Variants in GTF2A1L observed in about 807,000 individuals in gnomAD.
GTF2A1L encodes general transcription factor IIA subunit 1 like.
A neutral mutation model predicts 49.7 loss-of-function variants in GTF2A1L; 48 were observed. That is an observed-to-expected ratio of 0.97 (90% CI 0.77 to 1.23). The LOEUF is 1.23. Ranked by LOEUF, GTF2A1L falls within the 50% of genes most tolerant of loss-of-function variation. The pLI is 0.00. For missense variants in GTF2A1L, 736 were observed against 564.8 expected (o/e 1.30, Z -3.07); for synonymous variants, 246 against 193.5 (o/e 1.27, Z -2.25).
chr2:48,658,714 A>G (rs4953606), intron 6 of GTF2A1L, among the ~76,000 whole-genome samples: 148,717 of 152,256 alleles, frequency 0.98, 72,651 homozygotes, highest in East Asian at 1. Flanking sequence ...TTTCTGTTTC[A>G]TTCTTGGGAG....
Position 48,646,843 on chromosome 2 carries a change from T to A in GTF2A1L, c.779T>A (p.Val260Glu), listed in dbSNP as rs1677541312. The A allele has an allele frequency of 6.2e-7, 1 of 1,614,080 alleles. No homozygotes were observed. The highest frequency in any genetic ancestry group is 8.5e-7 in the Non-Finnish European group (1 of 1,179,972). ...SPQVSQTNSN[V>E]ESVLSGSASM... ...CAGGTCTCTCAAACAAATTCTAATG[T>A]GGAGTCAGTGCTCAGTGGTTCAGCT... Residue 260 changes from valine to glutamate, a missense_variant, in exon 6 of 9, where the codon GTG (valine) becomes GAG (glutamate). Val to Glu is a moderately radical substitution (Grantham distance 121, BLOSUM62 -2). Coordinates refer to ENST00000403751, the MANE Select transcript of GTF2A1L (RefSeq NM_006872.5).
chr2:48,636,247 A>T (rs1305273725), intron 3 of GTF2A1L, among the ~76,000 whole-genome samples: 1 of 152,252 alleles, frequency 6.6e-6, no homozygotes, highest in Non-Finnish European at 1.5e-5. Flanking sequence ...TTAAACAATG[A>T]CACAAATGCT....
chr2:48,662,855 A>G (rs1678593205), intron 6 of GTF2A1L, among the ~76,000 whole-genome samples: 1 of 152,082 alleles, frequency 6.6e-6, no homozygotes, highest in Non-Finnish European at 1.5e-5. Context: ...AGTGGGAGCT[A>G]AACAACAAGA....
intron 6 of GTF2A1L, among the ~76,000 whole-genome samples, chr2:48,649,180 A>G (rs903157857): frequency 1.3e-5 from 2 of 152,166 alleles, no homozygotes; most frequent in Non-Finnish European, 2.9e-5. Flanking sequence ...GGAATCATAC[A>G]ATATTTGCCC....
At chr2:48,671,898 T>A (rs752975724) in intron 8 of GTF2A1L, among the ~76,000 whole-genome samples, 1 of 152,184 alleles carries the variant, frequency 6.6e-6, no homozygotes, top group Non-Finnish European at 1.5e-5. Context: ...AGTAATGATC[T>A]TATTGAAACA....
At chr2:48,643,238 T>C (rs1284563278) in intron 4 of GTF2A1L, among the ~76,000 whole-genome samples, 3 of 152,196 alleles carry the variant, frequency 2.0e-5, no homozygotes, top group East Asian at 1.9e-4. Flanking sequence ...CCCTTAGTAC[T>C]TGAAGGCAGA....
chr2:48,662,758 G>A (rs1678585026), intron 6 of GTF2A1L, among the ~76,000 whole-genome samples: 1 of 148,916 alleles, frequency 6.7e-6, no homozygotes, highest in East Asian at 2.0e-4. Context: ...GGGATTCCTT[G>A]TACATAGATG....
At chr2:48,672,230 G>A (rs1679208855) in intron 8 of GTF2A1L, among the ~76,000 whole-genome samples, 1 of 152,218 alleles carries the variant, frequency 6.6e-6, no homozygotes, top group Admixed American at 6.5e-5. Context: ...CCAATAAAAA[G>A]CAGAGAAATG....
intron 3 of GTF2A1L, among the ~76,000 whole-genome samples, chr2:48,635,026 C>G (rs947369120): frequency 1.8e-4 from 27 of 152,190 alleles, no homozygotes; most frequent in Admixed American, 2.6e-4. Context: ...GCCCCAAGTT[C>G]TCTGCACAGT....
chr2:48,671,670 A>G lies in GTF2A1L; in HGVS notation c.1319A>G (p.Gln440Arg), dbSNP rs150006280. The stretch of plus-strand genomic sequence containing the variant: ...GACACGGATAATGTTATTGTCTGTC[A>G]GTATGATAAGGTACTGTATTTACCT... ...LFDTDNVIVC[Q>R]YDKIHRSKNK... The change falls in exon 8 of 9, where the codon CAG (glutamine) becomes CGG (arginine). Residue 440 changes from glutamine (Q) to arginine (R), a missense_variant. Coordinates refer to ENST00000403751, the MANE Select transcript of GTF2A1L (RefSeq NM_006872.5). 1.1e-4 allele frequency: 185 copies of G among 1,613,152 alleles called. No individual in the cohort carries two copies. The highest frequency in any genetic ancestry group is 1.4e-4 in the Non-Finnish European group (165 of 1,179,550).
At chr2:48,620,975 T>C (rs1395720422) in intron 2 of GTF2A1L, 23 bp downstream of exon 2, 1 of 1,588,372 alleles carries the variant, frequency 6.3e-7, no homozygotes, top group Non-Finnish European at 8.5e-7. Flanking sequence ...TACAACTTTT[T>C]CTTCCTGTCT....
intron 8 of GTF2A1L, among the ~76,000 whole-genome samples, chr2:48,675,866 A>G (rs1004701774): frequency 2.6e-5 from 4 of 151,608 alleles, no homozygotes; most frequent in Non-Finnish European, 4.4e-5. Context: ...TAGTCTCTTT[A>G]TATGTATCTA....
intron 4 of GTF2A1L, among the ~76,000 whole-genome samples, chr2:48,644,003 C>T (rs896249212): frequency 1.3e-5 from 2 of 151,856 alleles, no homozygotes; most frequent in Non-Finnish European, 2.9e-5. Context: ...CCGGCCTGTA[C>T]AAAATTTTTT....
At chr2:48,639,364 G>T (rs1188519929) in intron 3 of GTF2A1L, among the ~76,000 whole-genome samples, 1 of 152,092 alleles carries the variant, frequency 6.6e-6, no homozygotes, top group Non-Finnish European at 1.5e-5. Context: ...TAGGCCAATG[G>T]AACAGAATAG....
chr2:48,661,246 A>ATTTTTTTTTTTTTTT (rs1558757501), intron 6 of GTF2A1L, among the ~76,000 whole-genome samples: 1 of 71,848 alleles, frequency 1.4e-5, no homozygotes, highest in African/African-American at 6.2e-5. Context: ...GCATCCCCAA[A>ATTTTTTTTTTTTTTT]CTTTTTTTTT....
At chr2:48,646,329 C>T in intron 5 of GTF2A1L, 124 bp from the exon 6 acceptor site, 1 of 808,834 alleles carries the variant, frequency 1.2e-6, no homozygotes, top group Non-Finnish European at 1.8e-6. Context: ...GAGATAACCA[C>T]CATTAACATA....
intron 3 of GTF2A1L, among the ~76,000 whole-genome samples, chr2:48,634,618 T>C (rs888172776): frequency 2.6e-5 from 4 of 152,208 alleles, no homozygotes; most frequent in East Asian, 1.9e-4. Flanking sequence ...AATGCTTGCA[T>C]GTCTGAAAAA....
chr2:48,646,370 G>T (rs942815832), intron 5 of GTF2A1L, 83 bp from the exon 6 acceptor site: 2 of 1,181,902 alleles, frequency 1.7e-6, no homozygotes, highest in Admixed American at 6.3e-5. Context: ...CTTTGTGGAT[G>T]AGATTTTTTT....
intron 4 of GTF2A1L, among the ~76,000 whole-genome samples, chr2:48,643,651 A>T (rs1440466802): frequency 6.6e-6 from 1 of 151,460 alleles, no homozygotes; most frequent in Non-Finnish European, 1.5e-5. Context: ...GTGCTTTGGG[A>T]GACTGAGGTA....
Sources: gnomAD v4.1 joint callset for allele counts (sites outside exome capture counted in the v4.1 genomes callset) on GRCh38, gnomAD v4.1.1 for gene constraint, MANE v1.5 for transcripts, NCBI Gene and HGNC (gene_info 2026-07-23, HGNC 2026-07-21) for gene names.